The following PDE7B variants were observed in gnomAD, a reference collection of about 807,000 sequenced individuals.
PDE7B encodes the protein phosphodiesterase 7B.
In PDE7B, 29 loss-of-function variants were observed where a neutral mutation model predicts 56.2. The ratio of observed to expected loss-of-function variants is 0.52; its 90% CI spans 0.38 to 0.70. PDE7B has a LOEUF of 0.70. Ranked by LOEUF, PDE7B falls within the 30% of genes least tolerant of loss-of-function variation. PDE7B has a pLI of 0.00. For synonymous variants in PDE7B, 197 were observed against 196.9 expected, an observed-to-expected ratio of 1.00 and a Z score of 0.00; for missense variants, 490 against 565.0, an observed-to-expected ratio of 0.87 and a Z score of 1.35.
intron 1 of PDE7B, among the ~76,000 whole-genome samples, chr6:135,931,466 G>T (rs1239791634): frequency 6.6e-6 from 1 of 152,192 alleles, no homozygotes; most frequent in Non-Finnish European, 1.5e-5. Context: ...GGCTCTGAAA[G>T]AATGTTGGCA....
chr6:136,062,972 T>A (rs1562483656), intron 2 of PDE7B, among the ~76,000 whole-genome samples: 1 of 152,186 alleles, frequency 6.6e-6, no homozygotes, highest in Non-Finnish European at 1.5e-5. Context: ...CTGCTGTCAT[T>A]CTAGATTCTC....
At chr6:135,928,501 T>TTATATATATA (rs199760999) in intron 1 of PDE7B, among the ~76,000 whole-genome samples, 1 of 94,652 alleles carries the variant, frequency 1.1e-5, no homozygotes, top group African/African-American at 4.3e-5. Flanking sequence ...ATATATATAT[T>TTATATATATA]TATATATATA....
chr6:135,861,543 A>C (rs2128184677), intron 1 of PDE7B, among the ~76,000 whole-genome samples: 1 of 149,952 alleles, frequency 6.7e-6, no homozygotes, highest in East Asian at 1.9e-4. Flanking sequence ...CATATTTGAT[A>C]CCTTTGATTG....
intron 10 of PDE7B, among the ~76,000 whole-genome samples, chr6:136,180,667 A>G (rs1194100656): frequency 6.6e-6 from 1 of 152,254 alleles, no homozygotes; most frequent in Non-Finnish European, 1.5e-5. Context: ...AAAAGCTGGC[A>G]TCTCAGATCC....
rs112699390 is a variant in PDE7B at position 136,160,102 on chromosome 6, G to A, written c.711+4344G>A. On this transcript the variant is annotated intron_variant, in intron 8 of 12. Coordinates refer to ENST00000308191, the MANE Select transcript of PDE7B (RefSeq NM_018945.4). ...TCAAATTAAAGTTCTAATAGGTTTTGTTGTCACAAAGGTAGATGCTTACTC... is the reference window on the plus strand; with the variant it reads ...TCAAATTAAAGTTCTAATAGGTTTTATTGTCACAAAGGTAGATGCTTACTC... Among the ~76,000 whole-genome samples, 727 of 152,182 alleles carry A rather than the reference G, an allele frequency of 4.8e-3. 12 individuals carry two copies. The highest frequency in any genetic ancestry group is 3.9e-3 in the Non-Finnish European group (268 of 68,016).
chr6:136,083,236 C>T (rs1562488758), intron 2 of PDE7B, among the ~76,000 whole-genome samples: 1 of 152,166 alleles, frequency 6.6e-6, no homozygotes, highest in Non-Finnish European at 1.5e-5. Context: ...ATATTCCTTC[C>T]AGAAGGGTTC....
At chr6:135,896,858 C>A (rs190433516) in intron 1 of PDE7B, among the ~76,000 whole-genome samples, 2 of 152,210 alleles carry the variant, frequency 1.3e-5, no homozygotes, top group Non-Finnish European at 2.9e-5. Flanking sequence ...ATCTCTGACC[C>A]TCCTTGTGGA....
At chr6:135,990,105 T>G (rs1426002238) in intron 2 of PDE7B, among the ~76,000 whole-genome samples, 3 of 150,822 alleles carry the variant, frequency 2.0e-5, no homozygotes, top group African/African-American at 7.3e-5. Context: ...TTTGTTTTTT[T>G]TTTTTTTTGA....
intron 1 of PDE7B, among the ~76,000 whole-genome samples, chr6:135,870,722 CAG>C (rs916244004): frequency 1.3e-5 from 2 of 151,670 alleles, no homozygotes; most frequent in African/African-American, 4.8e-5. Flanking sequence ...ATCAGTGAAA[CAG>C]AGATGAAAAG....
intron 2 of PDE7B, among the ~76,000 whole-genome samples, chr6:136,054,613 C>T (rs6939892): frequency 3.3e-5 from 5 of 151,904 alleles, no homozygotes; most frequent in East Asian, 1.9e-4. Context: ...TAGCTCGATG[C>T]GGATGGCATT....
chr6:135,877,502 C>T (rs754352281), intron 1 of PDE7B, among the ~76,000 whole-genome samples: 2 of 151,846 alleles, frequency 1.3e-5, no homozygotes, highest in Non-Finnish European at 2.9e-5. Flanking sequence ...TTGTCACTTC[C>T]CTGGAATGAT....
intron 2 of PDE7B, among the ~76,000 whole-genome samples, chr6:136,081,145 G>C (rs1052227115): frequency 3.9e-5 from 6 of 152,120 alleles, no homozygotes; most frequent in Admixed American, 1.3e-4. Context: ...GTCATAGAAG[G>C]GTTTTTAACA....
chr6:135,948,554 G>A (rs1458861946), intron 2 of PDE7B, among the ~76,000 whole-genome samples: 3 of 151,692 alleles, frequency 2.0e-5, no homozygotes, highest in Admixed American at 2.0e-4. Flanking sequence ...AATCAAAGGT[G>A]GTACACGACT....
At chr6:135,993,470 A>G (rs568693490) in intron 2 of PDE7B, among the ~76,000 whole-genome samples, 1 of 152,290 alleles carries the variant, frequency 6.6e-6, no homozygotes. Flanking sequence ...AGGTGACTCT[A>G]ACGTTCAGCC....
At chr6:135,914,884 G>C (rs1453892527) in intron 1 of PDE7B, among the ~76,000 whole-genome samples, 2 of 151,350 alleles carry the variant, frequency 1.3e-5, no homozygotes, top group Non-Finnish European at 3.0e-5. Context: ...CACGAGGTCA[G>C]GAGTTCGAGA....
intron 1 of PDE7B, among the ~76,000 whole-genome samples, chr6:135,901,714 C>G (rs7776007): frequency 0.013 from 1,933 of 152,266 alleles, 32 homozygotes; most frequent in Middle Eastern, 0.037. Flanking sequence ...ACAATCTATT[C>G]AATTCCAGCG....
rs12210363 is a variant in PDE7B, at chr6:136,138,435, G to A, written c.167-8916G>A. Among the ~76,000 whole-genome samples, 127 of 151,822 alleles carry A rather than the reference G, an allele frequency of 8.4e-4. 2 individuals are homozygous for A. The highest frequency in any genetic ancestry group is 1.4e-3 in the Admixed American group (22 of 15,214). On this transcript the variant is annotated intron_variant, in intron 3 of 12. Transcript: ENST00000308191. ...CCCATCTTCAGCTTCTTATATCTTC[G>A]TTTTTCTTTATCTCACAAAACACAA...
intron 1 of PDE7B, among the ~76,000 whole-genome samples, chr6:135,852,233 C>T (rs1444839703): frequency 6.6e-6 from 1 of 152,056 alleles, no homozygotes; most frequent in Non-Finnish European, 1.5e-5. Flanking sequence ...TTAAGGGCAG[C>T]AGGGTTTCAT....
chr6:135,995,628 T>A (rs922294323), intron 2 of PDE7B, among the ~76,000 whole-genome samples: 18 of 152,162 alleles, frequency 1.2e-4, no homozygotes, highest in Admixed American at 3.9e-4. Context: ...GTGACCAGCA[T>A]ACCTATATGT....
Sources: gnomAD v4.1 joint callset for allele counts (sites outside exome capture counted in the v4.1 genomes callset) on GRCh38, gnomAD v4.1.1 for gene constraint, MANE v1.5 for transcripts, NCBI Gene and HGNC (gene_info 2026-07-23, HGNC 2026-07-21) for gene names.